COL28A1: variants seen among roughly 807,000 people sequenced by gnomAD.
The protein encoded by COL28A1 is collagen alpha-1(XXVIII) chain.
Under a neutral mutation model 150.2 loss-of-function variants are expected in COL28A1, and 161 were observed. That is an observed-to-expected ratio of 1.07 (90% CI 0.94 to 1.22). The LOEUF (loss-of-function observed/expected upper bound fraction) is 1.22, where lower values mean the gene tolerates loss of function less well. COL28A1 is among the 50% of genes most tolerant of loss of function. The pLI is 0.00. For missense variants in COL28A1, 1,617 were observed against 1,388.3 expected (o/e 1.16, Z -2.62); for synonymous variants, 552 against 469.7 (o/e 1.18, Z -2.26).
At chr7:7,397,347 T>C (rs923035108) in intron 27 of COL28A1, among the ~76,000 whole-genome samples, 1 of 152,152 alleles carries the variant, frequency 6.6e-6, no homozygotes. Context: ...TCGGGCCTTA[T>C]ATTCAAGGCC....
At chr7:7,340,801 T>C in the COL28A1 span, among the ~76,000 whole-genome samples, 1 of 152,080 alleles carries the variant, frequency 6.6e-6, no homozygotes, top group Non-Finnish European at 1.5e-5. Context: ...TTGCAAACTC[T>C]GGGGAAAAGA....
At chr7:7,542,286 G>T in the COL28A1 span, among the ~76,000 whole-genome samples, 2 of 152,108 alleles carry the variant, frequency 1.3e-5, no homozygotes, top group African/African-American at 4.8e-5. Context: ...CGCTGAGATG[G>T]CACCACTGCA....
chr7:7,408,123 C>G (rs956347975), intron 27 of COL28A1, among the ~76,000 whole-genome samples: 1 of 152,014 alleles, frequency 6.6e-6, no homozygotes, highest in Non-Finnish European at 1.5e-5. Flanking sequence ...ATTTGGCTTT[C>G]TTAGAGCAGG....
intron 1 of COL28A1, among the ~76,000 whole-genome samples, chr7:7,535,231 C>A (rs558303879): frequency 2.0e-5 from 3 of 151,950 alleles, no homozygotes; most frequent in Non-Finnish European, 4.4e-5. Flanking sequence ...TACTTTTGGC[C>A]TAAAATTTAT....
At chr7:7,533,625 G>A (rs755892557) in intron 1 of COL28A1, among the ~76,000 whole-genome samples, 3 of 152,158 alleles carry the variant, frequency 2.0e-5, no homozygotes, top group Non-Finnish European at 4.4e-5. Context: ...GGACAGAAAC[G>A]GGACTTAAAG....
chr7:7,532,048 A>G lies in COL28A1; in HGVS notation c.125-144T>C, dbSNP rs952656913. On this transcript the variant is annotated intron_variant, in intron 2 of 34. Coordinates refer to ENST00000399429, the MANE Select transcript of COL28A1 (RefSeq NM_001037763.3). ...GAGAAAGAGAGACACGTTGGACAGAAGGCTTCAATTGTAAAAAACTAAATG... is the reference window on the plus strand; with the variant it reads ...GAGAAAGAGAGACACGTTGGACAGAGGGCTTCAATTGTAAAAAACTAAATG... 5.5e-6 allele frequency: 3 copies of G among 540,960 alleles called. No individual in the cohort carries two copies. The African/African-American group carries it at 5.7e-5, about 10-fold the overall frequency. The allele number at this position is 540,960 out of a possible 1,614,324, so 33.5% of individuals were successfully genotyped here.
chr7:7,406,974 T>A (rs1783524917), intron 27 of COL28A1, among the ~76,000 whole-genome samples: 1 of 152,094 alleles, frequency 6.6e-6, no homozygotes, highest in South Asian at 2.1e-4. Flanking sequence ...CTATACAGAA[T>A]GACTATGTGG....
chr7:7,353,408 A>T (rs114957617), downstream of COL28A1, among the ~76,000 whole-genome samples: 607 of 152,304 alleles, frequency 4.0e-3, 1 homozygote, highest in African/African-American at 0.014. Context: ...ACACACAGGA[A>T]TATAACTATT....
At chr7:7,484,924 T>A (rs1477569036) in intron 13 of COL28A1, among the ~76,000 whole-genome samples, 2 of 152,094 alleles carry the variant, frequency 1.3e-5, no homozygotes, top group African/African-American at 2.4e-5. Flanking sequence ...AGCTAAATAC[T>A]GAGAACACAA....
intron 4 of COL28A1, chr7:7,522,181 A>T (rs1348491370): frequency 1.7e-6 from 1 of 577,890 alleles, no homozygotes; most frequent in African/African-American, 1.9e-5. Flanking sequence ...ATTCCAGGCA[A>T]ATTTATACCT....
intron 15 of COL28A1, among the ~76,000 whole-genome samples, chr7:7,458,483 A>G (rs1160748601): frequency 6.6e-6 from 1 of 152,112 alleles, no homozygotes. Flanking sequence ...AAAATGTATC[A>G]TTAGATCAAA....
chr7:7,424,621 C>T (rs542563010), intron 25 of COL28A1, among the ~76,000 whole-genome samples: 12 of 152,158 alleles, frequency 7.9e-5, no homozygotes, highest in African/African-American at 1.7e-4. Flanking sequence ...AATGAACAGA[C>T]GTGCGAGCAA....
chr7:7,410,360 T>A (rs1316103332), intron 27 of COL28A1, among the ~76,000 whole-genome samples: 1 of 152,180 alleles, frequency 6.6e-6, no homozygotes, highest in Non-Finnish European at 1.5e-5. Flanking sequence ...CCTGCCACAA[T>A]TGACTTGGCA....
the COL28A1 span, among the ~76,000 whole-genome samples, chr7:7,338,626 C>T: frequency 7.3e-4 from 111 of 152,180 alleles, no homozygotes; most frequent in Non-Finnish European, 1.3e-3. Context: ...TATCATATCT[C>T]AGTGAAGAAA....
chr7:7,542,313 G>A, the COL28A1 span, among the ~76,000 whole-genome samples: 5 of 152,172 alleles, frequency 3.3e-5, no homozygotes, highest in African/African-American at 4.8e-5. Context: ...CCTGGCCACA[G>A]AGTGAGATCC....
At chr7:7,445,863 C>CTTT (rs199729364) in intron 18 of COL28A1, among the ~76,000 whole-genome samples, 3 of 141,880 alleles carry the variant, frequency 2.1e-5, no homozygotes, top group African/African-American at 7.7e-5. Context: ...AACTTAATGC[C>CTTT]TTTTTTTTTT....
At chr7:7,510,932 C>T (rs542926592) in intron 9 of COL28A1, among the ~76,000 whole-genome samples, 159 bp downstream of exon 9, 30 of 152,328 alleles carry the variant, frequency 2.0e-4, no homozygotes, top group African/African-American at 6.0e-4. Flanking sequence ...TTAGGCATCA[C>T]TTTGTTTTCT....
intron 27 of COL28A1, among the ~76,000 whole-genome samples, chr7:7,403,722 A>G (rs1783345853): frequency 6.6e-6 from 1 of 152,220 alleles, no homozygotes. Flanking sequence ...CTAAATGCAT[A>G]ATGAAAATAT....
chr7:7,383,686 A>AATACATATATAATATATGTAT (rs1562513799), intron 27 of COL28A1, among the ~76,000 whole-genome samples: 9 of 137,660 alleles, frequency 6.5e-5, no homozygotes, highest in Non-Finnish European at 1.4e-4. Flanking sequence ...GTGTGTGTAT[A>AATACATATATAATATATGTAT]TATATATATA....
Sources: gnomAD v4.1 joint callset for allele counts (sites outside exome capture counted in the v4.1 genomes callset) on GRCh38, gnomAD v4.1.1 for gene constraint, MANE v1.5 for transcripts, NCBI Gene and HGNC (gene_info 2026-07-23, HGNC 2026-07-21) for gene names.